The following HIP1R variants were observed in gnomAD, a reference collection of about 807,000 sequenced individuals.
HIP1R encodes the protein huntingtin-interacting protein 1-related protein.
In HIP1R, 135 loss-of-function variants were observed where a neutral mutation model predicts 144.2. That is an observed-to-expected ratio of 0.94 (90% CI 0.81 to 1.08). The LOEUF (loss-of-function observed/expected upper bound fraction) is 1.08, where lower values mean the gene tolerates loss of function less well. Among genes scored for constraint, HIP1R ranks in the 50% least tolerant of loss-of-function variants. The probability of loss-of-function intolerance (pLI) is 0.00; values close to 1 mark genes in which losing one functional copy is unlikely to be tolerated. For missense variants in HIP1R, 1,462 were observed against 1,432.8 expected (o/e 1.02, Z -0.33); for synonymous variants, 698 against 612.8 (o/e 1.14, Z -2.05).
rs896707536 is a variant in HIP1R at position 122,840,104 on chromosome 12, G to A, written c.93+4461G>A. On this transcript the variant is annotated intron_variant, in intron 1 of 31. Coordinates refer to ENST00000253083, the MANE Select transcript of HIP1R (RefSeq NM_003959.3). The surrounding 1 kb of genome is among the most constrained non-coding windows in gnomAD (Gnocchi z 4.2). ...CATCAGCCCACATGGTGATGCCCTCGTGGTGATGCCCGGCAGGCCGCTGAC... is the reference window on the plus strand; with the variant it reads ...CATCAGCCCACATGGTGATGCCCTCATGGTGATGCCCGGCAGGCCGCTGAC... Among the ~76,000 whole-genome samples the A allele has an allele frequency of 1.4e-4, 21 of 152,334 alleles. No individual in the cohort carries two copies. Among genetic ancestry groups the A allele is most frequent in the African/African-American group, 3.8e-4 (16 of 41,568 alleles).
intron 7 of HIP1R, among the ~76,000 whole-genome samples, chr12:122,852,587 G>A (rs2135660803): frequency 6.6e-6 from 1 of 152,320 alleles, no homozygotes; most frequent in South Asian, 2.1e-4. Flanking sequence ...ACCAGCATCT[G>A]CTGGAGAAAT....
chr12:122,855,194 G>A (rs1220235944), intron 10 of HIP1R, 66 bp downstream of exon 10: 21 of 1,611,226 alleles, frequency 1.3e-5, no homozygotes, highest in Middle Eastern at 1.7e-4. Flanking sequence ...GCCCCACACA[G>A]GCTATGGAGA....
At chr12:122,861,575 G>A in intron 31 of HIP1R, 61 bp downstream of exon 31, 1 of 1,573,590 alleles carries the variant, frequency 6.4e-7, no homozygotes, top group African/African-American at 1.4e-5. Flanking sequence ...AGCCCTAGAG[G>A]GGCACATGGT....
At chr12:122,837,318 ATTT>A (rs200083960) in intron 1 of HIP1R, among the ~76,000 whole-genome samples, 1 of 140,152 alleles carries the variant, frequency 7.1e-6, no homozygotes, top group African/African-American at 2.6e-5. Context: ...AAGAAGGTGG[ATTT>A]TTTTTTTTTT....
intron 1 of HIP1R, among the ~76,000 whole-genome samples, chr12:122,844,541 C>T (rs1300381295): frequency 6.6e-6 from 1 of 152,212 alleles, no homozygotes; most frequent in Non-Finnish European, 1.5e-5. Context: ...CTCATGCTCT[C>T]ATGCTGCACA....
At chr12:122,835,991 G>T (rs1244192626) in intron 1 of HIP1R, among the ~76,000 whole-genome samples, 1 of 151,536 alleles carries the variant, frequency 6.6e-6, no homozygotes, top group Non-Finnish European at 1.5e-5. Context: ...GATGGGGCCG[G>T]GGTTGGGTGT....
At position 122,860,468 on chromosome 12, in the gene HIP1R, AC is replaced by A. The variant is rs1302780561; in HGVS notation, c.2607del (p.Glu870LysfsTer54). 7 of 1,613,178 alleles carry A rather than the reference AC, an allele frequency of 4.3e-6. No individual in the cohort carries two copies. The highest frequency in any genetic ancestry group is 5.9e-6 in the Non-Finnish European group (7 of 1,179,934). Reference protein sequence around the residue: ...QEFYAKNSRWTEGLISASKAV... With the variant: ...QEFYAKNSRWXEGLISASKAV... Reference sequence around the variant, plus strand: ...ATTTTACGCCAAGAACTCGCGCTGGACCGAAGGCCTCATCTCGGCCTCCAAG... The same window carrying A: ...ATTTTACGCCAAGAACTCGCGCTGGACGAAGGCCTCATCTCGGCCTCCAAG... On this transcript the variant is annotated frameshift_variant, in exon 27 of 32. Transcript: ENST00000253083. LOFTEE classifies it high-confidence loss of function.
Position 122,858,174 on chromosome 12 carries a change from G to T in HIP1R, c.1888G>T (p.Glu630Ter), listed in dbSNP as rs752398981. ...QFAVLRGAAA[E>*]AAGILQDAVS... ...CGCAGTGTTGCGGGGCGCTGCTGCC[G>T]AGGCCGCGGGCATCCTGCAGGATGC... is the stretch of plus-strand genomic sequence containing the variant. Residue 630 changes from glutamate (E) to a stop codon, truncating the protein, a stop_gained, in exon 19 of 32, where the codon GAG (glutamate) becomes TAG (stop). Coordinates refer to ENST00000253083, the MANE Select transcript of HIP1R (RefSeq NM_003959.3). LOFTEE classifies it high-confidence loss of function. The T allele has an allele frequency of 6.2e-7, 1 of 1,607,234 alleles. No homozygotes were observed. The highest frequency in any genetic ancestry group is 1.3e-5 in the African/African-American group (1 of 75,012).
rs1220972000 is a variant in HIP1R, at chr12:122,856,601, C to T, written c.1519-24C>T. 3.1e-6 allele frequency: 5 copies of T among 1,599,456 alleles called. No homozygotes were observed. In the South Asian group the frequency reaches 3.4e-5, roughly 11 times the overall value. On this transcript the variant is annotated intron_variant, in intron 16 of 31. Transcript: ENST00000253083. ...CCCCGGCATCCCCAGCCCACTGCCC[C>T]AGTGACACGCTGTCCTGTCCCAGCT... is the stretch of plus-strand genomic sequence containing the variant.
chr12:122,844,995 C>T (rs909063934), intron 1 of HIP1R, among the ~76,000 whole-genome samples: 4 of 152,244 alleles, frequency 2.6e-5, no homozygotes, highest in East Asian at 1.9e-4. Context: ...ACGTTCACCC[C>T]ACTCGGCAGC....
chr12:122,837,073 G>C (rs537401841), intron 1 of HIP1R, among the ~76,000 whole-genome samples: 1 of 152,178 alleles, frequency 6.6e-6, no homozygotes, highest in Non-Finnish European at 1.5e-5. Flanking sequence ...GAGAAAACCT[G>C]AATTGGCAGA....
At chr12:122,855,173 C>A in intron 10 of HIP1R, 45 bp downstream of exon 10, 1 of 1,610,734 alleles carries the variant, frequency 6.2e-7, no homozygotes, top group South Asian at 1.1e-5. Context: ...GGACCCCAGG[C>A]ACCTGGCTGG....
chr12:122,854,300 T>C (rs2033492496), intron 8 of HIP1R, 117 bp downstream of exon 8: 2 of 569,108 alleles, frequency 3.5e-6, no homozygotes, highest in African/African-American at 2.3e-5. Flanking sequence ...ATGGCAGTAA[T>C]AAACCCACTG....
chr12:122,857,951 T>C lies in HIP1R; in HGVS notation c.1816-151T>C, dbSNP rs2033642951. 4 of 627,086 alleles carry C rather than the reference T, an allele frequency of 6.4e-6. No homozygotes were observed. In the South Asian group the frequency reaches 9.4e-5, roughly 15 times the overall value. The allele number at this position is 627,086 out of a possible 1,614,324, so 38.8% of individuals were successfully genotyped here. ...TTTTATTCTTGAGCTGTGCACTGTGTGGGAAGCCTCTTTCTAGAAATCTCC... is the reference window on the plus strand; with the variant it reads ...TTTTATTCTTGAGCTGTGCACTGTGCGGGAAGCCTCTTTCTAGAAATCTCC... On this transcript the variant is annotated intron_variant, in intron 18 of 31. Coordinates refer to ENST00000253083, the MANE Select transcript of HIP1R (RefSeq NM_003959.3).
intron 4 of HIP1R, 104 bp downstream of exon 4, chr12:122,848,956 G>A (rs1280749725): frequency 5.6e-6 from 7 of 1,247,466 alleles, no homozygotes; most frequent in Non-Finnish European, 8.2e-6. Flanking sequence ...GCGGGTGGCT[G>A]GGTTTTCCCA....
Position 122,858,931 on chromosome 12 carries a change from C to T in HIP1R, c.2144C>T (p.Thr715Ile). The change falls in exon 21 of 32, where the codon ACC becomes ATC. Residue 715 changes from threonine (T) to isoleucine (I), a missense_variant. Thr to Ile is a moderately conservative substitution (Grantham distance 89). This residue lies in a region of HIP1R where 1,112 missense variants were observed against 1,011.7 expected (regional missense o/e 1.10). Coordinates refer to ENST00000253083, the MANE Select transcript of HIP1R (RefSeq NM_003959.3). ...GGTGCCACCTCGCACCTGGCTCCCA[C>T]CGACCCTGCCGACCGTAAGTGGGTC... ...NGGATSHLAP[T>I]DPADRLIDTC... 1 of 1,613,130 alleles carries T rather than the reference C, an allele frequency of 6.2e-7. No homozygotes were observed. Among genetic ancestry groups the T allele is most frequent in the East Asian group, 2.2e-5 (1 of 44,880 alleles).
At chr12:122,843,274 C>T (rs949448973) in intron 1 of HIP1R, among the ~76,000 whole-genome samples, 1 of 152,212 alleles carries the variant, frequency 6.6e-6, no homozygotes, top group African/African-American at 2.4e-5. Context: ...CATCTCTGGT[C>T]CATGTCTGGC....
At position 122,855,345 on chromosome 12, in the gene HIP1R, A is replaced by G. The variant is rs1444013325; in HGVS notation, c.933A>G (p.Glu311=). Residue 311 remains glutamate (E), a synonymous_variant, in exon 11 of 32, where the codon GAA becomes GAG. Coordinates refer to ENST00000253083, the MANE Select transcript of HIP1R (RefSeq NM_003959.3). ...PVVVIPEEAP[E]DEEPENLIEI... ...TGGTGATCCCCGAGGAGGCCCCGGA[A>G]GATGAGGAGCCGGAGAATCTCATTG... is the stretch of plus-strand genomic sequence containing the variant. 1 of 1,608,670 alleles carries G rather than the reference A, an allele frequency of 6.2e-7. No homozygotes were observed. Among genetic ancestry groups the G allele is most frequent in the Non-Finnish European group, 8.5e-7 (1 of 1,178,288 alleles).
chr12:122,838,073 C>T (rs1452274192), intron 1 of HIP1R, among the ~76,000 whole-genome samples: 1 of 152,178 alleles, frequency 6.6e-6, no homozygotes, highest in Admixed American at 6.5e-5. Flanking sequence ...AGCCTGCCAG[C>T]CTCGCTTTCC....
Sources: gnomAD v4.1 joint callset for allele counts (sites outside exome capture counted in the v4.1 genomes callset) on GRCh38, gnomAD v4.1.1 for gene constraint, gnomAD v4.1.1 regional missense constraint, Gnocchi (gnomAD v3.1) non-coding constraint, MANE v1.5 for transcripts, NCBI Gene and HGNC (gene_info 2026-07-23, HGNC 2026-07-21) for gene names.